Variants in OSBPL7 observed in about 807,000 individuals in gnomAD.
The protein encoded by OSBPL7 is oxysterol-binding protein-related protein 7.
OSBPL7 carries 66 observed loss-of-function variants against 115.8 expected under a neutral mutation model. The observed-to-expected ratio is 0.57, with a 90% CI of 0.47 to 0.70. The LOEUF is 0.70. Ranked by LOEUF, OSBPL7 falls within the 30% of genes least tolerant of loss-of-function variation. The pLI is 0.00. For missense variants in OSBPL7, 902 were observed against 1,125.5 expected (o/e 0.80, Z 2.84); for synonymous variants, 441 against 439.2 (o/e 1.00, Z -0.05).
At chr17:47,819,585 G>T in intron 4 of OSBPL7, 144 bp downstream of exon 4, 1 of 946,702 alleles carries the variant, frequency 1.1e-6, no homozygotes, top group African/African-American at 1.6e-5. Context: ...GCCCAGGGAT[G>T]TAACTTGCCC....
In OSBPL7 at chr17:47,816,243, G is replaced by A; in HGVS notation, c.1024-41C>T. 2 of 1,520,158 alleles carry A rather than the reference G, an allele frequency of 1.3e-6. No individual in the cohort carries two copies. Among genetic ancestry groups the A allele is most frequent in the Non-Finnish European group, 1.8e-6 (2 of 1,121,972 alleles). The allele number at this position is 1,520,158 out of a possible 1,614,324, so 94.2% of individuals were successfully genotyped here. ...GAGGGACACGGTGCCAGGAGGATGAGGTCCTCCCCACCTTGCCGCATCTCT... is the reference window on the plus strand; with the variant it reads ...GAGGGACACGGTGCCAGGAGGATGAAGTCCTCCCCACCTTGCCGCATCTCT... On this transcript the variant is annotated intron_variant, in intron 11 of 22. Transcript: ENST00000007414. The surrounding 1 kb of genome is among the most constrained non-coding windows in gnomAD (Gnocchi z 5.8).
At position 47,816,152 on chromosome 17, in the gene OSBPL7, G is replaced by A; in HGVS notation, c.1074C>T (p.Ser358=). ...GQRRLHSLST[S]SDTTADSFSS... is the part of the protein sequence containing the mutation. The stretch of plus-strand genomic sequence containing the variant: ...TGAAAGAGTCCGCCGTGGTGTCGGA[G>A]GAGGTGGACAGTGAGTGGAGGCGCC... Residue 358 remains serine (S), a synonymous_variant, in exon 12 of 23, where the codon TCC becomes TCT. Coordinates refer to ENST00000007414, the MANE Select transcript of OSBPL7 (RefSeq NM_145798.3). This position sits in a 1 kb window ranked among gnomAD's most constrained non-coding sequence, Gnocchi z 5.8. 1.3e-6 allele frequency: 2 copies of A among 1,551,210 alleles called. No homozygotes were observed. Among genetic ancestry groups the A allele is most frequent in the Non-Finnish European group, 1.7e-6 (2 of 1,146,996 alleles).
At chr17:47,813,428 G>A in intron 15 of OSBPL7, 25 bp from the exon 16 acceptor site, 1 of 1,613,280 alleles carries the variant, frequency 6.2e-7, no homozygotes, top group Non-Finnish European at 8.5e-7. Flanking sequence ...GAAGGTGCAG[G>A]GTACTGAGGA....
Position 47,808,820 on chromosome 17 carries a change from G to C in OSBPL7, c.2297+44C>G. 6.2e-7 allele frequency: 1 copy of C among 1,611,384 alleles called. No individual in the cohort carries two copies. The highest frequency in any genetic ancestry group is 1.1e-5 in the South Asian group (1 of 90,982). On this transcript the variant is annotated intron_variant, in intron 21 of 22. Coordinates refer to ENST00000007414, the MANE Select transcript of OSBPL7 (RefSeq NM_145798.3). This position sits in a 1 kb window ranked among gnomAD's most constrained non-coding sequence, Gnocchi z 6.1. ...GCCCCAGCTCTGTACTCTGTGGAGG[G>C]AGTGAACTAGATGGTTCTAGGCCGG...
In OSBPL7 at chr17:47,808,402, G is replaced by T; in HGVS notation, c.2421-3C>A. On this transcript the variant is annotated splice_region_variant and splice_polypyrimidine_tract_variant and intron_variant, in intron 22 of 22. Transcript: ENST00000007414. The surrounding 1 kb of genome is among the most constrained non-coding windows in gnomAD (Gnocchi z 6.1). ...TCCCGCTGCTATCCGTCTGCCGCCT[G>T]GTGGGAGAAGGCGGTGGCAGTGAGG... 1 of 1,614,004 alleles carries T rather than the reference G, an allele frequency of 6.2e-7. No homozygotes were observed. Among genetic ancestry groups the T allele is most frequent in the Non-Finnish European group, 8.5e-7 (1 of 1,179,896 alleles).
At chr17:47,810,330 C>A (rs1233681082) in intron 18 of OSBPL7, among the ~76,000 whole-genome samples, 1 of 152,160 alleles carries the variant, frequency 6.6e-6, no homozygotes, top group Non-Finnish European at 1.5e-5. Context: ...GACTGTGAGT[C>A]ATGGTCAAAA....
intron 18 of OSBPL7, 107 bp from the exon 19 acceptor site, chr17:47,809,585 C>A: frequency 7.6e-7 from 1 of 1,312,444 alleles, no homozygotes; most frequent in Non-Finnish European, 1.0e-6. Flanking sequence ...TGACAGGAAC[C>A]CTGGGGTCCC....
intron 17 of OSBPL7, 34 bp downstream of exon 17, chr17:47,810,738 C>T (rs2033015063): frequency 3.1e-6 from 5 of 1,613,590 alleles, no homozygotes; most frequent in African/African-American, 1.3e-5. Context: ...TCCCTTTGCC[C>T]AGGGCCACCC....
chr17:47,819,947 C>A, intron 3 of OSBPL7, 24 bp downstream of exon 3: 3 of 1,556,736 alleles, frequency 1.9e-6, no homozygotes, highest in South Asian at 1.1e-5. Flanking sequence ...ATGTCTGGAC[C>A]CTCCCTTTGC....
At chr17:47,815,908 A>G in intron 12 of OSBPL7, 199 bp downstream of exon 12, 1 of 521,076 alleles carries the variant, frequency 1.9e-6, no homozygotes, top group Non-Finnish European at 3.4e-6. Context: ...CCCGAATTAA[A>G]AGTAAAAGTA....
intron 12 of OSBPL7, chr17:47,815,830 C>T: frequency 2.6e-6 from 1 of 388,176 alleles, no homozygotes; most frequent in Non-Finnish European, 4.6e-6. Context: ...GGAGCCTGAG[C>T]CCACCCATTA....
In OSBPL7 at chr17:47,816,116, G is replaced by A. The variant is rs148614035; in HGVS notation, c.1110C>T (p.Asn370=). 4 of 1,551,078 alleles carry A rather than the reference G, an allele frequency of 2.6e-6. No homozygotes were observed. The highest frequency in any genetic ancestry group is 1.7e-4 in the Middle Eastern group (1 of 5,882). Residue 370 remains asparagine (N), a synonymous_variant, in exon 12 of 23, where the codon AAC becomes AAT. Coordinates refer to ENST00000007414, the MANE Select transcript of OSBPL7 (RefSeq NM_145798.3). This position sits in a 1 kb window ranked among gnomAD's most constrained non-coding sequence, Gnocchi z 5.8. The part of the protein sequence containing the change: ...DTTADSFSSL[N]PEEQEALYMK... ...CACCCTGGCTCCTCACCTCCTCAGG[G>A]TTGAGGGAGCTGAAAGAGTCCGCCG...
Position 47,816,736 on chromosome 17 carries a change from A to C in OSBPL7, c.796-41T>G. 6.2e-7 allele frequency: 1 copy of C among 1,614,104 alleles called. No individual in the cohort carries two copies. The highest frequency in any genetic ancestry group is 8.5e-7 in the Non-Finnish European group (1 of 1,179,984). Reference sequence around the variant, plus strand: ...AAGGGCTGAAGGGGCCGGCCTCCTTAGAGCATCCTGCCCCAGCTACGTGAG... The same window carrying C: ...AAGGGCTGAAGGGGCCGGCCTCCTTCGAGCATCCTGCCCCAGCTACGTGAG... On this transcript the variant is annotated intron_variant, in intron 9 of 22. Transcript: ENST00000007414. This position sits in a 1 kb window ranked among gnomAD's most constrained non-coding sequence, Gnocchi z 5.8.
At chr17:47,814,103 C>G (rs1025736079) in intron 14 of OSBPL7, among the ~76,000 whole-genome samples, 1 of 152,228 alleles carries the variant, frequency 6.6e-6, no homozygotes, top group African/African-American at 2.4e-5. Context: ...GAGCCCCTCC[C>G]GAGTCCTCAC....
At chr17:47,819,938 T>G in intron 3 of OSBPL7, 33 bp downstream of exon 3, 3 of 458,462 alleles carry the variant, frequency 6.5e-6, no homozygotes, top group South Asian at 2.4e-5. Context: ...CCGCCCCCCA[T>G]GTCTGGACCC....
Position 47,820,180 on chromosome 17 carries a change from A to G in OSBPL7, c.75+24T>C, listed in dbSNP as rs1221800640. 4.3e-6 allele frequency: 7 copies of G among 1,613,376 alleles called. No homozygotes were observed. The African/African-American group carries it at 8.0e-5, about 18-fold the overall frequency. ...TGTCTGGTTCCAGCTTGGCCCACCCACCACCGCTTTCCCACTCTCTGACCT... is the reference window on the plus strand; with the variant it reads ...TGTCTGGTTCCAGCTTGGCCCACCCGCCACCGCTTTCCCACTCTCTGACCT... On this transcript the variant is annotated intron_variant, in intron 2 of 22. Coordinates refer to ENST00000007414, the MANE Select transcript of OSBPL7 (RefSeq NM_145798.3).
intron 19 of OSBPL7, 29 bp from the exon 20 acceptor site, chr17:47,809,249 G>A (rs2032958030): frequency 6.2e-7 from 1 of 1,613,288 alleles, no homozygotes; most frequent in Non-Finnish European, 8.5e-7. Flanking sequence ...GGTTTAGGGA[G>A]GTGTCCCCTC....
In OSBPL7 at chr17:47,816,032, T is replaced by C. The variant is rs2033202763; in HGVS notation, c.1119+75A>G. 7 of 1,352,186 alleles carry C rather than the reference T, an allele frequency of 5.2e-6. No individual in the cohort carries two copies. The South Asian group carries it at 1.0e-4, about 20-fold the overall frequency. 83.8% of individuals were successfully genotyped at this position (1,352,186 alleles called of 1,614,324 possible). On this transcript the variant is annotated intron_variant, in intron 12 of 22. Coordinates refer to ENST00000007414, the MANE Select transcript of OSBPL7 (RefSeq NM_145798.3). This position sits in a 1 kb window ranked among gnomAD's most constrained non-coding sequence, Gnocchi z 5.8. ...GGGACTAAAAACCAACTTTGCCCAC[T>C]GCCCTGGGCCTTGGCTTTCGCTGGG...
chr17:47,808,791 C>A lies in OSBPL7; in HGVS notation c.2297+73G>T. 2 of 1,604,694 alleles carry A rather than the reference C, an allele frequency of 1.2e-6. No homozygotes were observed. Among genetic ancestry groups the A allele is most frequent in the Non-Finnish European group, 8.5e-7 (1 of 1,173,184 alleles). On this transcript the variant is annotated intron_variant, in intron 21 of 22. Coordinates refer to ENST00000007414, the MANE Select transcript of OSBPL7 (RefSeq NM_145798.3). This position sits in a 1 kb window ranked among gnomAD's most constrained non-coding sequence, Gnocchi z 6.1. ...CTGAGGCCACTCAGTGAAGGAAGGA[C>A]AAAGCCCCAGCTCTGTACTCTGTGG...
Sources: gnomAD v4.1 joint callset for allele counts (sites outside exome capture counted in the v4.1 genomes callset) on GRCh38, gnomAD v4.1.1 for gene constraint, Gnocchi (gnomAD v3.1) non-coding constraint, MANE v1.5 for transcripts, NCBI Gene and HGNC (gene_info 2026-07-23, HGNC 2026-07-21) for gene names.